Variants in ECT2L observed in about 807,000 individuals in gnomAD.
ECT2L encodes the protein epithelial cell-transforming sequence 2 oncogene-like.
In ECT2L, 126 loss-of-function variants were observed where a neutral mutation model predicts 122.8. The ratio of observed to expected loss-of-function variants is 1.03; its 90% CI spans 0.89 to 1.19. The LOEUF (loss-of-function observed/expected upper bound fraction) is 1.19. Among genes scored for constraint, ECT2L ranks in the 50% most tolerant of loss-of-function variants. The pLI, the probability that ECT2L is intolerant of heterozygous loss-of-function variation, is 0.00. For missense variants in ECT2L, 1,012 were observed against 1,064.1 expected (o/e 0.95, Z 0.68); for synonymous variants, 385 against 381.8 (o/e 1.01, Z -0.10).
chr6:138,872,208 T>A (rs901458607), intron 13 of ECT2L, among the ~76,000 whole-genome samples: 1 of 152,224 alleles, frequency 6.6e-6, no homozygotes, highest in East Asian at 1.9e-4. Flanking sequence ...CCCTGCTTGC[T>A]GGCTGCCCTG....
At chr6:138,851,482 C>CT (rs56921189) in intron 9 of ECT2L, among the ~76,000 whole-genome samples, 16,218 of 109,386 alleles carry the variant, frequency 0.15, 1,320 homozygotes, top group South Asian at 0.32. Context: ...TGTGCCTAGC[C>CT]TTTTTTTTTT....
At chr6:138,872,443 G>A (rs959590794) in intron 13 of ECT2L, among the ~76,000 whole-genome samples, 6 of 152,180 alleles carry the variant, frequency 3.9e-5, no homozygotes, top group Admixed American at 2.0e-4. Context: ...TTAACAGAAC[G>A]CACGGGCTGG....
chr6:138,867,655 C>CAAAAA (rs71009601), intron 12 of ECT2L, among the ~76,000 whole-genome samples: 3 of 114,444 alleles, frequency 2.6e-5, no homozygotes, highest in African/African-American at 3.7e-5. Context: ...CCTAAAACTA[C>CAAAAA]AAAAAAAAAA....
intron 20 of ECT2L, among the ~76,000 whole-genome samples, chr6:138,891,466 C>T (rs1779023204): frequency 6.6e-6 from 1 of 152,142 alleles, no homozygotes. Context: ...GAGGCTTCAT[C>T]TACATAAGAA....
At chr6:138,808,747 GAC>G (rs1775794408) in intron 1 of ECT2L, among the ~76,000 whole-genome samples, 1 of 131,954 alleles carries the variant, frequency 7.6e-6, no homozygotes, top group African/African-American at 2.9e-5. Flanking sequence ...TTTTTTTTGA[GAC>G]AGTGTCTCAC....
rs745312252 is a variant in ECT2L, at chr6:138,862,653, C to T, written c.1225C>T (p.Leu409=). The T allele has an allele frequency of 1.6e-5, 26 of 1,614,158 alleles. No individual in the cohort carries two copies. In the East Asian group the frequency reaches 5.1e-4, roughly 32 times the overall value. Residue 409 remains leucine, a synonymous_variant, in exon 11 of 22, where the codon CTG becomes TTG. Transcript: ENST00000541398. The part of the protein sequence containing the change: ...SEAGIEVLSQ[L]SQLTGTFFTA... ...GGCAGGAATTGAAGTTCTTTCCCAG[C>T]TGTCTCAACTAACTGGCACGTTCTT... is the stretch of plus-strand genomic sequence containing the variant.
At chr6:138,846,401 A>T in intron 7 of ECT2L, 138 bp from the exon 8 acceptor site, 1 of 693,750 alleles carries the variant, frequency 1.4e-6, no homozygotes, top group Admixed American at 3.7e-5. Context: ...TGTCCTCACA[A>T]AACACAGGGT....
chr6:138,838,578 C>T lies in ECT2L; in HGVS notation c.342+64C>T, dbSNP rs1776928241. 12 of 1,496,962 alleles carry T rather than the reference C, an allele frequency of 8.0e-6. No individual in the cohort carries two copies. The South Asian group carries it at 1.4e-4, about 18-fold the overall frequency. 92.7% of individuals were successfully genotyped at this position (1,496,962 alleles called of 1,614,324 possible). ...ACAGCTGTAATCTGTAATGAGGCTACTGGGGTAGCTCCCGTCCCTGAAGAC... is the reference window on the plus strand; with the variant it reads ...ACAGCTGTAATCTGTAATGAGGCTATTGGGGTAGCTCCCGTCCCTGAAGAC... On this transcript the variant is annotated intron_variant, in intron 5 of 21. Transcript: ENST00000541398.
intron 4 of ECT2L, among the ~76,000 whole-genome samples, chr6:138,835,899 A>G (rs1776818709): frequency 6.6e-6 from 1 of 152,194 alleles, no homozygotes; most frequent in Non-Finnish European, 1.5e-5. Flanking sequence ...TCTGCCTTCA[A>G]TGTGGAGCAA....
chr6:138,890,222 A>G (rs1460407843), intron 20 of ECT2L, among the ~76,000 whole-genome samples: 1 of 152,204 alleles, frequency 6.6e-6, no homozygotes, highest in Non-Finnish European at 1.5e-5. Context: ...GATTTTCAGT[A>G]TTAATGACAA....
At chr6:138,834,284 G>A (rs1776747276) in intron 4 of ECT2L, among the ~76,000 whole-genome samples, 1 of 151,910 alleles carries the variant, frequency 6.6e-6, no homozygotes, top group African/African-American at 2.4e-5. Flanking sequence ...AATGTGATGA[G>A]CCCTGCAATG....
chr6:138,860,707 A>ATTTTTTTTTTTTTTTTTTTTTT (rs35611410), intron 10 of ECT2L, among the ~76,000 whole-genome samples: 1 of 135,798 alleles, frequency 7.4e-6, no homozygotes, highest in African/African-American at 2.8e-5. Context: ...TGAAGGGGCT[A>ATTTTTTTTTTTTTTTTTTTTTT]TTTTTTTTTT....
At chr6:138,810,421 C>T (rs563034549) in intron 1 of ECT2L, among the ~76,000 whole-genome samples, 2 of 152,238 alleles carry the variant, frequency 1.3e-5, no homozygotes, top group Admixed American at 6.5e-5. Context: ...GGAAGAAAGA[C>T]GTAGGGTTTG....
At chr6:138,826,054 C>T (rs538875253) in intron 4 of ECT2L, among the ~76,000 whole-genome samples, 1 of 152,326 alleles carries the variant, frequency 6.6e-6, no homozygotes, top group Admixed American at 6.5e-5. Context: ...CAGCTATCCC[C>T]GTCTTGATCG....
intron 12 of ECT2L, among the ~76,000 whole-genome samples, chr6:138,866,681 A>T (rs951012845): frequency 2.0e-5 from 3 of 152,228 alleles, no homozygotes; most frequent in African/African-American, 4.8e-5. Flanking sequence ...TGGAAAAACA[A>T]TTTTTTAAAT....
rs767617987 is a variant in ECT2L, at chr6:138,844,569, C to G, written c.753C>G (p.Thr251=). The G allele has an allele frequency of 1.2e-6, 2 of 1,613,982 alleles. No individual in the cohort carries two copies. Among genetic ancestry groups the G allele is most frequent in the South Asian group, 1.1e-5 (1 of 91,062 alleles). Residue 251 remains threonine, a synonymous_variant, in exon 7 of 22, where the codon ACC becomes ACG. Transcript: ENST00000541398. Reference sequence around the variant, plus strand: ...AGCTTGTTTTGACATCGTTAGAAACCTTGCCCAAGCGGTAAGCAAAATTCC... The same window carrying G: ...AGCTTGTTTTGACATCGTTAGAAACGTTGCCCAAGCGGTAAGCAAAATTCC... The part of the protein sequence containing the change: ...EKQLVLTSLE[T]LPKRSNISGS...
Position 138,829,354 on chromosome 6 carries a change from T to C in ECT2L, c.180-8998T>C, listed in dbSNP as rs551961817. 4.2e-4 allele frequency among the ~76,000 whole-genome samples: 64 copies of C among 152,326 alleles called. No individual in the cohort carries two copies. In the South Asian group the frequency reaches 9.3e-3, roughly 22 times the overall value. On this transcript the variant is annotated intron_variant, in intron 4 of 21. Transcript: ENST00000541398. ...TAAGGTTGTTCATAGTTTCTAGGAA[T>C]TTTTAGTACACAGAACTAAAAATAA... is the stretch of plus-strand genomic sequence containing the variant.
intron 19 of ECT2L, 93 bp downstream of exon 19, chr6:138,887,015 G>C: frequency 9.6e-7 from 1 of 1,039,410 alleles, no homozygotes; most frequent in Non-Finnish European, 1.5e-6. Context: ...AAGGCAGCTA[G>C]TATTTGTGGA....
intron 4 of ECT2L, among the ~76,000 whole-genome samples, chr6:138,825,116 A>C (rs1220725245): frequency 6.6e-6 from 1 of 152,212 alleles, no homozygotes; most frequent in African/African-American, 2.4e-5. Context: ...GGTCAGGGAA[A>C]GCTGCCCTCA....
Sources: allele counts gnomAD v4.1 joint callset (sites outside exome capture counted in the v4.1 genomes callset), GRCh38; gene constraint gnomAD v4.1.1; transcripts MANE v1.5; gene names NCBI Gene and HGNC (gene_info 2026-07-23, HGNC 2026-07-21).